Variants in CLYBL observed in about 807,000 individuals in gnomAD.
The protein encoded by CLYBL is citramalyl-CoA lyase.
In CLYBL, 31 loss-of-function variants were observed where a neutral mutation model predicts 38.9. The ratio of observed to expected loss-of-function variants is 0.80; its 90% CI spans 0.60 to 1.08. CLYBL has a LOEUF of 1.08. Among genes scored for constraint, CLYBL ranks in the 50% least tolerant of loss-of-function variants. The pLI is 0.00. For synonymous variants in CLYBL, 171 were observed against 158.6 expected, an observed-to-expected ratio of 1.08 and a Z score of -0.59; for missense variants, 434 against 411.6, an observed-to-expected ratio of 1.05 and a Z score of -0.47.
intron 3 of CLYBL, 151 bp downstream of exon 3, chr13:99,859,200 CT>C: frequency 1.7e-6 from 1 of 603,420 alleles, no homozygotes; most frequent in Non-Finnish European, 2.8e-6. Context: ...GTATCCGTTT[CT>C]TTTACACAAG....
At chr13:99,778,424 T>G (rs1430192393) in intron 2 of CLYBL, among the ~76,000 whole-genome samples, 2 of 152,232 alleles carry the variant, frequency 1.3e-5, no homozygotes, top group Non-Finnish European at 2.9e-5. Flanking sequence ...AAAATGTCAC[T>G]TCATTTTATA....
At chr13:99,621,359 G>A (rs2046793923) in intron 1 of CLYBL, among the ~76,000 whole-genome samples, 1 of 152,100 alleles carries the variant, frequency 6.6e-6, no homozygotes, top group African/African-American at 2.4e-5. Context: ...ACACTCTCGA[G>A]TCATCAGTGC....
chr13:99,715,417 T>G (rs2048297286), intron 1 of CLYBL, among the ~76,000 whole-genome samples: 1 of 118,814 alleles, frequency 8.4e-6, no homozygotes. Context: ...TTTTCTTTTC[T>G]TTTTTTTTTT....
rs532544143 is a variant in CLYBL, at chr13:99,650,676, T to C, written c.62+43919T>C. Among the ~76,000 whole-genome samples the C allele has an allele frequency of 2.0e-5, 3 of 152,296 alleles. No homozygotes were observed. In the South Asian group the frequency reaches 6.2e-4, roughly 32 times the overall value. On this transcript the variant is annotated intron_variant, in intron 1 of 8. Coordinates refer to ENST00000339105, the MANE Select transcript of CLYBL (RefSeq NM_206808.5). ...TTTCCTCGTCCTGTAGCTGAAATCC[T>C]TGGAGTCATTCTTGCCTCCACTAGA...
At chr13:99,782,494 G>A (rs1220357857) in intron 2 of CLYBL, among the ~76,000 whole-genome samples, 2 of 152,016 alleles carry the variant, frequency 1.3e-5, no homozygotes, top group South Asian at 2.1e-4. Flanking sequence ...GACAGAACGA[G>A]GCTCTGTCTT....
rs377279428 is a variant in CLYBL at position 99,864,895 on chromosome 13, C to G, written c.618C>G (p.Asp206Glu). ...FLDAVVFGGE[D>E]FRASIGATSS... ...ATGCAGTCGTTTTTGGAGGAGAAGACTTTCGAGCCAGCATAGGTGTCAAAG... is the reference window on the plus strand; with the variant it reads ...ATGCAGTCGTTTTTGGAGGAGAAGAGTTTCGAGCCAGCATAGGTGTCAAAG... Residue 206 changes from aspartate (D) to glutamate (E), a missense_variant, in exon 5 of 9, where the codon GAC becomes GAG. Physicochemically the swap from Asp to Glu is conservative, Grantham distance 45 (BLOSUM62 2). Coordinates refer to ENST00000339105, the MANE Select transcript of CLYBL (RefSeq NM_206808.5). 6.2e-7 allele frequency: 1 copy of G among 1,608,860 alleles called. No individual in the cohort carries two copies. The highest frequency in any genetic ancestry group is 1.3e-5 in the African/African-American group (1 of 74,890).
At chr13:99,761,242 A>G (rs546599016) in intron 1 of CLYBL, among the ~76,000 whole-genome samples, 1 of 152,180 alleles carries the variant, frequency 6.6e-6, no homozygotes, top group Non-Finnish European at 1.5e-5. Flanking sequence ...AGTCCCAGCT[A>G]CTTGGGAGGC....
At chr13:99,751,851 G>C (rs551646614) in intron 1 of CLYBL, among the ~76,000 whole-genome samples, 1 of 152,314 alleles carries the variant, frequency 6.6e-6, no homozygotes, top group African/African-American at 2.4e-5. Flanking sequence ...TACAAAAATA[G>C]TAGTGTTTCA....
At chr13:99,821,023 A>G (rs918614719) in intron 2 of CLYBL, among the ~76,000 whole-genome samples, 3 of 152,234 alleles carry the variant, frequency 2.0e-5, no homozygotes, top group African/African-American at 7.2e-5. Context: ...CATGTTAAAT[A>G]ATTAGGTGAT....
chr13:99,883,969 T>C (rs1437890229), intron 7 of CLYBL, among the ~76,000 whole-genome samples: 2 of 152,186 alleles, frequency 1.3e-5, no homozygotes, highest in Non-Finnish European at 2.9e-5. Context: ...TGTTAAGTCA[T>C]TTGCATGAGT....
chr13:99,632,763 CA>C (rs1001311841), intron 1 of CLYBL, among the ~76,000 whole-genome samples: 1 of 150,726 alleles, frequency 6.6e-6, no homozygotes, highest in African/African-American at 2.4e-5. Context: ...AAAACAAAAA[CA>C]AAAAAACCCC....
At chr13:99,607,173 C>A (rs900748956) in intron 1 of CLYBL, among the ~76,000 whole-genome samples, 1 of 149,282 alleles carries the variant, frequency 6.7e-6, no homozygotes, top group Non-Finnish European at 1.5e-5. Context: ...AATTTGAGGA[C>A]CCCCCAAAGC....
At chr13:99,802,589 C>T (rs575136168) in intron 2 of CLYBL, among the ~76,000 whole-genome samples, 1 of 152,270 alleles carries the variant, frequency 6.6e-6, no homozygotes, top group South Asian at 2.1e-4. Context: ...CACAAGTTCT[C>T]ACTTGCTGCA....
At chr13:99,676,559 G>T (rs1350760867) in intron 1 of CLYBL, among the ~76,000 whole-genome samples, 7 of 150,780 alleles carry the variant, frequency 4.6e-5, no homozygotes, top group African/African-American at 1.7e-4. Context: ...CAAAGTGCTG[G>T]GATTACAGGC....
At chr13:99,755,349 G>A (rs1270698276) in intron 1 of CLYBL, among the ~76,000 whole-genome samples, 3 of 152,188 alleles carry the variant, frequency 2.0e-5, no homozygotes, top group African/African-American at 7.2e-5. Context: ...TTGGCCCTTG[G>A]TGACTGGTCT....
chr13:99,726,759 T>C (rs1327727663), intron 1 of CLYBL, among the ~76,000 whole-genome samples: 2 of 150,894 alleles, frequency 1.3e-5, no homozygotes, highest in Admixed American at 6.6e-5. Flanking sequence ...CTGTAGGGCC[T>C]CAGGCACCTA....
At chr13:99,822,704 C>G (rs943196712) in intron 2 of CLYBL, among the ~76,000 whole-genome samples, 4 of 152,150 alleles carry the variant, frequency 2.6e-5, no homozygotes, top group Admixed American at 6.5e-5. Flanking sequence ...AACACTGTGC[C>G]CCAAAGTGTT....
chr13:99,748,672 C>G (rs1205745958), intron 1 of CLYBL, among the ~76,000 whole-genome samples: 2 of 151,492 alleles, frequency 1.3e-5, no homozygotes, highest in Non-Finnish European at 1.5e-5. Context: ...AACTCCTGAC[C>G]TCATGATTCA....
At chr13:99,884,013 T>G (rs1282575134) in intron 7 of CLYBL, among the ~76,000 whole-genome samples, 3 of 152,070 alleles carry the variant, frequency 2.0e-5, no homozygotes, top group Non-Finnish European at 4.4e-5. Context: ...AAAATTCTTT[T>G]TGTGAAAAGG....
Sources: allele counts gnomAD v4.1 joint callset (sites outside exome capture counted in the v4.1 genomes callset), GRCh38; gene constraint gnomAD v4.1.1; transcripts MANE v1.5; gene names NCBI Gene and HGNC (gene_info 2026-07-23, HGNC 2026-07-21).